The following R3HCC1L variants were observed in gnomAD, a reference collection of about 807,000 sequenced individuals.
The protein encoded by R3HCC1L is coiled-coil domain-containing protein R3HCC1L.
A neutral mutation model predicts 59.9 loss-of-function variants in R3HCC1L; 51 were observed. That is an observed-to-expected ratio of 0.85 (90% CI 0.68 to 1.07). R3HCC1L has a LOEUF of 1.07. Among genes scored for constraint, R3HCC1L ranks in the 50% least tolerant of loss-of-function variants. The pLI, the probability that R3HCC1L is intolerant of heterozygous loss-of-function variation, is 0.00. For synonymous variants in R3HCC1L, 322 were observed against 315.2 expected, an observed-to-expected ratio of 1.02 and a Z score of -0.23; for missense variants, 965 against 933.0, an observed-to-expected ratio of 1.03 and a Z score of -0.45.
At chr10:98,204,496 A>G (rs1852411775) in intron 4 of R3HCC1L, among the ~76,000 whole-genome samples, 1 of 152,212 alleles carries the variant, frequency 6.6e-6, no homozygotes, top group South Asian at 2.1e-4. Context: ...ATTTTAAAAA[A>G]TTGTATGGCA....
chr10:98,231,466 A>G lies in R3HCC1L; in HGVS notation c.1786-46A>G, dbSNP rs371538705. The G allele has an allele frequency of 5.2e-5, 80 of 1,534,892 alleles. No individual in the cohort carries two copies. The South Asian group carries it at 8.4e-4, about 16-fold the overall frequency. ...ATATATAGGAATATATTTTACAATA[A>G]CCAGGTTTAATGTAACCGGCACTTA... On this transcript the variant is annotated intron_variant, in intron 5 of 9. Transcript: ENST00000298999.
intron 2 of R3HCC1L, among the ~76,000 whole-genome samples, 173 bp from the exon 3 acceptor site, chr10:98,162,710 G>A (rs1847563955): frequency 6.6e-6 from 1 of 151,956 alleles, no homozygotes; most frequent in African/African-American, 2.4e-5. Flanking sequence ...GTGTGTGTGT[G>A]TGTTTGAGAT....
intron 4 of R3HCC1L, among the ~76,000 whole-genome samples, chr10:98,177,465 A>G (rs539545851): frequency 2.0e-5 from 3 of 152,292 alleles, no homozygotes; most frequent in South Asian, 2.1e-4. Context: ...AGTCTTTGCT[A>G]TTGTGAATAG....
intron 4 of R3HCC1L, among the ~76,000 whole-genome samples, chr10:98,180,550 G>A (rs533883100): frequency 6.6e-5 from 10 of 152,280 alleles, no homozygotes; most frequent in African/African-American, 2.4e-4. Flanking sequence ...TTGATTTGGG[G>A]TGGAAAGTTC....
chr10:98,240,522 G>C (rs1173136243), intron 9 of R3HCC1L, among the ~76,000 whole-genome samples: 1 of 152,188 alleles, frequency 6.6e-6, no homozygotes, highest in Admixed American at 6.5e-5. Flanking sequence ...GGCTGGTTCT[G>C]AAAGGCCATC....
intron 1 of R3HCC1L, among the ~76,000 whole-genome samples, chr10:98,148,568 A>G (rs991089504): frequency 2.0e-5 from 3 of 152,044 alleles, no homozygotes; most frequent in African/African-American, 4.8e-5. Context: ...TCTATACCCA[A>G]TGTGCTGAGG....
chr10:98,222,610 A>G (rs895429815), intron 5 of R3HCC1L, among the ~76,000 whole-genome samples: 3 of 152,132 alleles, frequency 2.0e-5, no homozygotes, highest in African/African-American at 7.2e-5. Flanking sequence ...ATTTTGTCAA[A>G]GGCTTTTTCT....
chr10:98,216,293 C>T (rs1186114255), intron 5 of R3HCC1L, among the ~76,000 whole-genome samples: 2 of 152,020 alleles, frequency 1.3e-5, no homozygotes, highest in African/African-American at 2.4e-5. Context: ...GCAGGTGGAT[C>T]GCTTGAGTGC....
At chr10:98,218,912 T>C (rs1854539465) in intron 5 of R3HCC1L, among the ~76,000 whole-genome samples, 1 of 152,230 alleles carries the variant, frequency 6.6e-6, no homozygotes, top group African/African-American at 2.4e-5. Flanking sequence ...TTGATCGCTT[T>C]ATCATAGACT....
chr10:98,191,884 G>C (rs1850894573), intron 4 of R3HCC1L, among the ~76,000 whole-genome samples: 1 of 152,138 alleles, frequency 6.6e-6, no homozygotes, highest in Non-Finnish European at 1.5e-5. Context: ...GAGTGCAGTG[G>C]CGTGATCTCG....
rs11442554 is a variant in R3HCC1L, at chr10:98,240,797, A to ATTT, written c.2270-3281_2270-3279dup. Among the ~76,000 whole-genome samples the ATTT allele has an allele frequency of 2.9e-3, 380 of 133,286 alleles. 1 individual carries two copies. Among genetic ancestry groups the ATTT allele is most frequent in the African/African-American group, 6.3e-3 (227 of 35,864 alleles). 87.4% of individuals were successfully genotyped at this position (133,286 alleles called of 152,430 possible). Reference sequence around the variant, plus strand: ...ATGTCTGAAGTTCATTTCTAACCACATTTTTTTTTTTTTTTCATTTTAATG... The same window carrying ATTT: ...ATGTCTGAAGTTCATTTCTAACCACATTTTTTTTTTTTTTTTTTCATTTTAATG... On this transcript the variant is annotated intron_variant, in intron 9 of 9. Transcript: ENST00000298999.
chr10:98,180,066 C>G (rs1444156373), intron 4 of R3HCC1L, among the ~76,000 whole-genome samples: 2 of 152,060 alleles, frequency 1.3e-5, no homozygotes, highest in Non-Finnish European at 2.9e-5. Flanking sequence ...TTCAGTTTTG[C>G]TCTGATCTTA....
chr10:98,193,146 A>G (rs1186204634), intron 4 of R3HCC1L, among the ~76,000 whole-genome samples: 1 of 152,190 alleles, frequency 6.6e-6, no homozygotes, highest in African/African-American at 2.4e-5. Flanking sequence ...TAAAGGTAAT[A>G]TGTGAAAAAC....
At chr10:98,177,259 C>T (rs1486254620) in intron 4 of R3HCC1L, among the ~76,000 whole-genome samples, 3 of 152,080 alleles carry the variant, frequency 2.0e-5, no homozygotes, top group Non-Finnish European at 4.4e-5. Context: ...CAATTCCCAC[C>T]TATGAGTGAG....
intron 1 of R3HCC1L, among the ~76,000 whole-genome samples, chr10:98,146,545 T>C (rs1001209447): frequency 1.3e-5 from 2 of 152,220 alleles, no homozygotes; most frequent in African/African-American, 4.8e-5. Context: ...ATCCCATGTA[T>C]AAGTGAGAAC....
chr10:98,150,520 C>CT (rs879667993), intron 1 of R3HCC1L, among the ~76,000 whole-genome samples: 98 of 146,976 alleles, frequency 6.7e-4, no homozygotes, highest in Middle Eastern at 7.0e-3. Context: ...TTTTCTTTTT[C>CT]TTTTTTTTTT....
chr10:98,190,841 C>T (rs1222023489), intron 4 of R3HCC1L, among the ~76,000 whole-genome samples: 1 of 112,336 alleles, frequency 8.9e-6, no homozygotes, highest in Non-Finnish European at 1.6e-5. Context: ...GTGTGATGTT[C>T]ACTGCCATGT....
intron 1 of R3HCC1L, among the ~76,000 whole-genome samples, chr10:98,145,225 G>C (rs1017595348): frequency 6.6e-6 from 1 of 152,210 alleles, no homozygotes. Flanking sequence ...GGGAATTGCT[G>C]AAGAGTACAG....
intron 9 of R3HCC1L, among the ~76,000 whole-genome samples, chr10:98,241,183 A>C (rs1590858431): frequency 6.6e-6 from 1 of 152,184 alleles, no homozygotes; most frequent in Non-Finnish European, 1.5e-5. Context: ...AAAGAAGGGA[A>C]TAAGATTCGT....
Sources: allele counts gnomAD v4.1 joint callset (sites outside exome capture counted in the v4.1 genomes callset), GRCh38; gene constraint gnomAD v4.1.1; transcripts MANE v1.5; gene names NCBI Gene and HGNC (gene_info 2026-07-23, HGNC 2026-07-21).